The following ABTB3 variants were observed in gnomAD, a reference collection of about 807,000 sequenced individuals.
ABTB3 encodes the protein ankyrin repeat and BTB domain containing 3.
chr12:107,571,497 T>C, the ABTB3 span, among the ~76,000 whole-genome samples: 1 of 152,276 alleles, frequency 6.6e-6, no homozygotes, highest in South Asian at 2.1e-4. Context: ...ACCCTGGCTT[T>C]TGCCTCTTGG....
At chr12:107,378,351 A>C in the ABTB3 span, among the ~76,000 whole-genome samples, 1 of 152,200 alleles carries the variant, frequency 6.6e-6, no homozygotes, top group Non-Finnish European at 1.5e-5. Context: ...GCCACCACAA[A>C]TTGCTATTAA....
the ABTB3 span, among the ~76,000 whole-genome samples, chr12:107,420,704 T>C: frequency 6.6e-6 from 1 of 152,184 alleles, no homozygotes; most frequent in Non-Finnish European, 1.5e-5. Flanking sequence ...GCCCTGACTT[T>C]AGGCCTGGAT....
At chr12:107,523,690 G>T in the ABTB3 span, among the ~76,000 whole-genome samples, 2 of 152,178 alleles carry the variant, frequency 1.3e-5, no homozygotes, top group East Asian at 3.8e-4. Flanking sequence ...GTGGAATGGG[G>T]TAAGGAAATA....
At chr12:107,502,671 C>T in the ABTB3 span, among the ~76,000 whole-genome samples, 3 of 152,080 alleles carry the variant, frequency 2.0e-5, no homozygotes, top group Non-Finnish European at 2.9e-5. Context: ...GAGCAGCGGG[C>T]GAGCGAGCAT....
the ABTB3 span, among the ~76,000 whole-genome samples, chr12:107,635,122 C>T: frequency 1.3e-5 from 2 of 152,134 alleles, no homozygotes; most frequent in Non-Finnish European, 1.5e-5. Context: ...AAATCCAGGA[C>T]CCATGAATGC....
chr12:107,474,787 A>G, the ABTB3 span, among the ~76,000 whole-genome samples: 1 of 152,230 alleles, frequency 6.6e-6, no homozygotes, highest in Non-Finnish European at 1.5e-5. Context: ...GATGCCCTGC[A>G]GAGTGAGCTT....
At chr12:107,624,803 C>T in the ABTB3 span, among the ~76,000 whole-genome samples, 2 of 152,184 alleles carry the variant, frequency 1.3e-5, no homozygotes, top group Non-Finnish European at 2.9e-5. Flanking sequence ...CATTTACGCA[C>T]AGGTTTTTGT....
At chr12:107,637,791 TG>T in the ABTB3 span, among the ~76,000 whole-genome samples, 1 of 9,618 alleles carries the variant, frequency 1.0e-4, no homozygotes, top group Non-Finnish European at 4.0e-4. Flanking sequence ...TGATTTTGTG[TG>T]TGTGTGTGTG....
chr12:107,551,550 T>C, the ABTB3 span, among the ~76,000 whole-genome samples: 1 of 152,226 alleles, frequency 6.6e-6, no homozygotes, highest in Non-Finnish European at 1.5e-5. Flanking sequence ...ACCCTGCTGA[T>C]AAATCTGGCC....
chr12:107,453,492 C>T, the ABTB3 span, among the ~76,000 whole-genome samples: 1 of 152,162 alleles, frequency 6.6e-6, no homozygotes. Context: ...AAAGTGCCAA[C>T]TATGGGCCAG....
At chr12:107,571,528 G>A in the ABTB3 span, among the ~76,000 whole-genome samples, 1 of 152,350 alleles carries the variant, frequency 6.6e-6, no homozygotes, top group East Asian at 1.9e-4. Flanking sequence ...GCCCGTCCCT[G>A]CCCTTTTAGG....
the ABTB3 span, among the ~76,000 whole-genome samples, chr12:107,449,811 A>G: frequency 3.3e-5 from 5 of 151,834 alleles, no homozygotes; most frequent in African/African-American, 1.2e-4. Context: ...CACACTGGCT[A>G]ATTTTTTTTT....
At chr12:107,658,187 A>T in the ABTB3 span, 1 of 154,426 alleles carries the variant, frequency 6.5e-6, no homozygotes, top group Non-Finnish European at 1.4e-5. Flanking sequence ...AATCTGGCAA[A>T]TTTTTAGGGG....
At chr12:107,388,711 C>T in the ABTB3 span, among the ~76,000 whole-genome samples, 1 of 152,242 alleles carries the variant, frequency 6.6e-6, no homozygotes, top group East Asian at 1.9e-4. Flanking sequence ...ACCAGCAGGT[C>T]TCCGTTGGGT....
chr12:107,319,844 A>C, the ABTB3 span: 1 of 1,217,514 alleles, frequency 8.2e-7, no homozygotes, highest in South Asian at 2.4e-5. Flanking sequence ...CGGCGCCTGC[A>C]GCGCAGCCAG....
chr12:107,651,652 A>T, the ABTB3 span: 1 of 1,586,818 alleles, frequency 6.3e-7, no homozygotes, highest in Non-Finnish European at 8.7e-7. Flanking sequence ...AGCCTCTAAC[A>T]GACTCTTTTT....
At chr12:107,597,840 A>T in the ABTB3 span, among the ~76,000 whole-genome samples, 1 of 152,190 alleles carries the variant, frequency 6.6e-6, no homozygotes, top group Admixed American at 6.5e-5. Context: ...CAATTCCTTG[A>T]AAGCAGGAGT....
the ABTB3 span, among the ~76,000 whole-genome samples, chr12:107,512,351 C>A: frequency 6.6e-6 from 1 of 152,208 alleles, no homozygotes; most frequent in East Asian, 1.9e-4. Context: ...TGGCTGTGAG[C>A]TTCCTAGTAG....
the ABTB3 span, among the ~76,000 whole-genome samples, chr12:107,323,034 T>A: frequency 6.6e-6 from 1 of 152,244 alleles, no homozygotes; most frequent in Admixed American, 6.5e-5. Context: ...TGGAGCTTAT[T>A]AGATACCTTT....
Sources: gnomAD v4.1 joint callset for allele counts (sites outside exome capture counted in the v4.1 genomes callset) on GRCh38, gnomAD v4.1.1 for gene constraint, MANE v1.5 for transcripts, NCBI Gene and HGNC (gene_info 2026-07-23, HGNC 2026-07-21) for gene names.